Variants in OXNAD1 observed in about 807,000 individuals in gnomAD.
OXNAD1 encodes oxidoreductase NAD binding domain containing 1.
OXNAD1 carries 34 observed loss-of-function variants against 32.9 expected under a neutral mutation model. That is an observed-to-expected ratio of 1.03 (90% CI 0.79 to 1.38). The LOEUF is 1.38. Among genes scored for constraint, OXNAD1 ranks in the 40% most tolerant of loss-of-function variants. OXNAD1 has a pLI of 0.00. For missense variants in OXNAD1, 407 were observed against 379.4 expected (o/e 1.07, Z -0.60); for synonymous variants, 134 against 135.2 (o/e 0.99, Z 0.06).
rs565679419 is a variant in OXNAD1 at position 16,280,622 on chromosome 3, A to G, written c.184-5720A>G. Among the ~76,000 whole-genome samples the G allele has an allele frequency of 4.6e-5, 7 of 152,284 alleles. No individual in the cohort carries two copies. In the South Asian group the frequency reaches 1.4e-3, roughly 32 times the overall value. On this transcript the variant is annotated intron_variant, in intron 4 of 8. Transcript: ENST00000285083. The surrounding 1 kb of genome is among the most constrained non-coding windows in gnomAD (Gnocchi z 4.5). ...CATACCTACATTTTTGTTTTAGGTC[A>G]TCTCTAGTCATGGCTTTGCCTAAAT...
Position 16,271,183 on chromosome 3 carries a change from A to T in OXNAD1, c.119+112A>T. ...CCGGAAAGGTAACACCTTAGCTTCA[A>T]TGTGCATGCTGTCAGGTTGTTAACC... On this transcript the variant is annotated intron_variant, in intron 3 of 8. Transcript: ENST00000285083. This position sits in a 1 kb window ranked among gnomAD's most constrained non-coding sequence, Gnocchi z 4.6. 1.3e-5 allele frequency: 16 copies of T among 1,274,146 alleles called. No individual in the cohort carries two copies. The highest frequency in any genetic ancestry group is 1.7e-5 in the Non-Finnish European group (16 of 919,674). The allele number at this position is 1,274,146 out of a possible 1,614,324, so 78.9% of individuals were successfully genotyped here. A position where few individuals can be genotyped will look rare whatever the true frequency, so the allele number is the denominator to read the frequency against.
intron 9 of OXNAD1, among the ~76,000 whole-genome samples, chr3:16,326,083 T>C (rs753668608): frequency 6.6e-6 from 1 of 152,248 alleles, no homozygotes; most frequent in Non-Finnish European, 1.5e-5. Flanking sequence ...AAAATGGGAA[T>C]CATATCCATG....
Position 16,332,298 on chromosome 3 carries a change from C to T in OXNAD1, c.*31-4814C>T, listed in dbSNP as rs936421993. On this transcript the variant is annotated intron_variant, in intron 9 of 9. Transcript: ENST00000435829. ...TACCTTCCCCCACAGTTTTCTTACT[C>T]TTTTAATTTTGCTTTCTGAGAGATT... is the stretch of plus-strand genomic sequence containing the variant. Among the ~76,000 whole-genome samples, 4 of 151,956 alleles carry T rather than the reference C, an allele frequency of 2.6e-5. No homozygotes were observed. The South Asian group carries it at 8.3e-4, about 31-fold the overall frequency.
In OXNAD1 at chr3:16,336,954, G is replaced by A. The variant is rs189956422; in HGVS notation, c.*31-158G>A. Among the ~76,000 whole-genome samples the A allele has an allele frequency of 8.5e-5, 13 of 152,286 alleles. No homozygotes were observed. The East Asian group carries it at 2.5e-3, about 29-fold the overall frequency. On this transcript the variant is annotated intron_variant, in intron 9 of 9. Transcript: ENST00000435829. This position sits in a 1 kb window ranked among gnomAD's most constrained non-coding sequence, Gnocchi z 6.0. Reference sequence around the variant, plus strand: ...TCCAGGCCACTTTCCAACACAGCTCGGCAGCTCCTCCCATAAGAGGGAGAG... The same window carrying A: ...TCCAGGCCACTTTCCAACACAGCTCAGCAGCTCCTCCCATAAGAGGGAGAG...
chr3:16,282,034 GTAATTTTT>G (rs2065781192), intron 4 of OXNAD1, among the ~76,000 whole-genome samples: 1 of 110,380 alleles, frequency 9.1e-6, no homozygotes, highest in Non-Finnish European at 1.8e-5. Context: ...GCTAATGTTT[GTAATTTTT>G]TTTTTTTTTT....
downstream of OXNAD1, among the ~76,000 whole-genome samples, chr3:16,340,892 T>A (rs1383753939): frequency 1.1e-4 from 16 of 152,164 alleles, no homozygotes; most frequent in Admixed American, 1.0e-3. Context: ...AGGAGAAATA[T>A]CTGCAAAAGC....
chr3:16,296,830 A>G (rs1393446631), intron 6 of OXNAD1, among the ~76,000 whole-genome samples: 1 of 152,180 alleles, frequency 6.6e-6, no homozygotes, highest in African/African-American at 2.4e-5. Context: ...TAAACCTCAT[A>G]CTTTATATTC....
intron 5 of OXNAD1, among the ~76,000 whole-genome samples, chr3:16,294,103 A>C (rs1390365819): frequency 4.6e-5 from 7 of 152,136 alleles, no homozygotes; most frequent in African/African-American, 1.7e-4. Flanking sequence ...TGAGTCGAGA[A>C]GTGTTCTCTT....
At chr3:16,330,937 CTCT>C (rs764841541) in intron 9 of OXNAD1, among the ~76,000 whole-genome samples, 1 of 152,232 alleles carries the variant, frequency 6.6e-6, no homozygotes, top group Non-Finnish European at 1.5e-5. Context: ...TGTCAGTTTG[CTCT>C]TCTTTTCTCC....
chr3:16,320,686 G>A lies in OXNAD1; in HGVS notation c.*31-16426G>A, dbSNP rs764618498. Among the ~76,000 whole-genome samples, 40 of 152,208 alleles carry A rather than the reference G, an allele frequency of 2.6e-4. No individual in the cohort carries two copies. The highest frequency in any genetic ancestry group is 5.1e-4 in the Non-Finnish European group (35 of 68,038). ...GCACTGTTCTGAGAAAAGGATGCTC[G>A]AGTAGAGCTAGAAAGGAGGAGAATG... On this transcript the variant is annotated intron_variant, in intron 9 of 9. Transcript: ENST00000435829. This position sits in a 1 kb window ranked among gnomAD's most constrained non-coding sequence, Gnocchi z 4.5.
chr3:16,328,541 C>T (rs748499100), intron 9 of OXNAD1, among the ~76,000 whole-genome samples: 1 of 152,242 alleles, frequency 6.6e-6, no homozygotes, highest in Non-Finnish European at 1.5e-5. Flanking sequence ...CCCTTGGCGA[C>T]TAATTTATCC....
At chr3:16,323,567 A>G in intron 9 of OXNAD1, 1 of 750,750 alleles carries the variant, frequency 1.3e-6, no homozygotes, top group Non-Finnish European at 2.3e-6. Context: ...CCACAGGATT[A>G]TGACAGGTTA....
In OXNAD1 at chr3:16,286,445, A is replaced by T; in HGVS notation, c.287A>T (p.Gln96Leu). The stretch of plus-strand genomic sequence containing the variant: ...CAAGACTTTTCCTTTAAAGCTGGCC[A>T]GTGGTAAGTGACTTTTCTGTGTTCC... Reference protein sequence around the residue: ...ADQDFSFKAGQWVDFFIPGVS... With the variant: ...ADQDFSFKAGLWVDFFIPGVS... Residue 96 changes from glutamine to leucine, a missense_variant, in exon 5 of 9, where the codon CAG becomes CTG. Transcript: ENST00000285083. 2 of 1,613,300 alleles carry T rather than the reference A, an allele frequency of 1.2e-6. No homozygotes were observed. Among genetic ancestry groups the T allele is most frequent in the Non-Finnish European group, 1.7e-6 (2 of 1,179,322 alleles).
In OXNAD1 at chr3:16,291,901, G is replaced by T. The variant is rs150167748; in HGVS notation, c.291-2955G>T. ...TCTCCAGACCCTAACACTATTGTTT[G>T]TCTCTTTGATTATAGCCATCCACGT... is the stretch of plus-strand genomic sequence containing the variant. On this transcript the variant is annotated intron_variant, in intron 5 of 8. Transcript: ENST00000285083. 7.9e-5 allele frequency among the ~76,000 whole-genome samples: 12 copies of T among 152,250 alleles called. No homozygotes were observed. In the East Asian group the frequency reaches 2.3e-3, roughly 29 times the overall value.
intron 4 of OXNAD1, among the ~76,000 whole-genome samples, chr3:16,279,156 A>G (rs2065564664): frequency 6.6e-6 from 1 of 152,240 alleles, no homozygotes; most frequent in African/African-American, 2.4e-5. Context: ...TCCTGGCTTC[A>G]CACTGTCAGC....
chr3:16,296,028 T>TG (rs1253504559), intron 6 of OXNAD1, among the ~76,000 whole-genome samples: 1 of 151,852 alleles, frequency 6.6e-6, no homozygotes, highest in Non-Finnish European at 1.5e-5. Flanking sequence ...GGGAGTGGGG[T>TG]GGGACTTACA....
Position 16,346,864 on chromosome 3 carries a change from A to T in OXNAD1, c.*31-2312A>T, listed in dbSNP as rs980273715. 2.0e-5 allele frequency among the ~76,000 whole-genome samples: 3 copies of T among 152,178 alleles called. No homozygotes were observed. The highest frequency in any genetic ancestry group is 7.2e-5 in the African/African-American group (3 of 41,450). ...ACAGGCTGAGGATGAGTACAGAAAG[A>T]TGGCAACATCTGGATCCCTGGTGGC... On this transcript the variant is annotated intron_variant, in intron 9 of 9. Coordinates refer to the OXNAD1 transcript ENST00000606098. The surrounding 1 kb of genome is among the most constrained non-coding windows in gnomAD (Gnocchi z 4.4).
intron 4 of OXNAD1, among the ~76,000 whole-genome samples, chr3:16,274,451 C>T (rs891272971): frequency 6.6e-6 from 1 of 152,148 alleles, no homozygotes; most frequent in African/African-American, 2.4e-5. Flanking sequence ...CTTTATGTAA[C>T]AGATACATAA....
rs1473543294 is a variant in OXNAD1, at chr3:16,344,555, T to C, written c.*31-4621T>C. On this transcript the variant is annotated intron_variant, in intron 9 of 9. Transcript: ENST00000606098. The surrounding 1 kb of genome is among the most constrained non-coding windows in gnomAD (Gnocchi z 4.4). ...CCCAAGAGCATCCATGTTCTTATTC[T>C]TAGATCCCAAGGGCCACCCAAGGTA... Among the ~76,000 whole-genome samples the C allele has an allele frequency of 6.6e-6, 1 of 152,136 alleles. No individual in the cohort carries two copies. Among genetic ancestry groups the C allele is most frequent in the African/African-American group, 2.4e-5 (1 of 41,422 alleles).
Sources: allele counts gnomAD v4.1 joint callset (sites outside exome capture counted in the v4.1 genomes callset), GRCh38; gene constraint gnomAD v4.1.1; non-coding constraint Gnocchi (gnomAD v3.1); transcripts MANE v1.5; gene names NCBI Gene and HGNC (gene_info 2026-07-23, HGNC 2026-07-21).